SLC25A26: variants seen among roughly 807,000 people sequenced by gnomAD.
The protein encoded by SLC25A26 is mitochondrial S-adenosylmethionine carrier protein.
A neutral mutation model predicts 37.8 loss-of-function variants in SLC25A26; 36 were observed. The ratio of observed to expected loss-of-function variants is 0.95; its 90% CI spans 0.73 to 1.26. The LOEUF (loss-of-function observed/expected upper bound fraction) is 1.26. Ranked by LOEUF, SLC25A26 falls within the 50% of genes most tolerant of loss-of-function variation. The probability of loss-of-function intolerance (pLI) is 0.00; values close to 1 mark genes in which losing one functional copy is unlikely to be tolerated. For synonymous variants in SLC25A26, 129 were observed against 122.5 expected, an observed-to-expected ratio of 1.05 and a Z score of -0.35; for missense variants, 390 against 331.1, an observed-to-expected ratio of 1.18 and a Z score of -1.38.
rs566875927 is a variant in SLC25A26 at position 66,298,771 on chromosome 3, A to C, written c.453+35392A>C. On this transcript the variant is annotated intron_variant, in intron 5 of 9. Coordinates refer to ENST00000354883, the MANE Select transcript of SLC25A26 (RefSeq NM_001379210.1). ...TTGTAATAAATGTCAGAGGAATAGC[A>C]AAATTGTACATGTCAAGAAAGCATT... Among the ~76,000 whole-genome samples, 27 of 152,338 alleles carry C rather than the reference A, an allele frequency of 1.8e-4. 2 individuals are homozygous for C. In the South Asian group the frequency reaches 5.6e-3, roughly 32 times the overall value.
chr3:66,340,151 T>C (rs1259733154), intron 5 of SLC25A26, among the ~76,000 whole-genome samples: 2 of 152,102 alleles, frequency 1.3e-5, no homozygotes, highest in Admixed American at 6.5e-5. Context: ...TTTTCGAAGA[T>C]TGTTTAACCA....
In SLC25A26 at chr3:66,299,587, T is replaced by C. The variant is rs562651913; in HGVS notation, c.453+36208T>C. 9.8e-5 allele frequency among the ~76,000 whole-genome samples: 15 copies of C among 152,320 alleles called. No homozygotes were observed. In the South Asian group the frequency reaches 1.0e-3, roughly 11 times the overall value. Reference sequence around the variant, plus strand: ...CACTAACACAGTTCCGTAGTCCATATTTATTATTGCTTCTTTCACTTTTCT... The same window carrying C: ...CACTAACACAGTTCCGTAGTCCATACTTATTATTGCTTCTTTCACTTTTCT... On this transcript the variant is annotated intron_variant, in intron 5 of 9. Transcript: ENST00000354883.
intron 3 of SLC25A26, among the ~76,000 whole-genome samples, chr3:66,258,867 A>G (rs972223385): frequency 6.9e-6 from 1 of 145,042 alleles, no homozygotes; most frequent in Non-Finnish European, 1.5e-5. Flanking sequence ...TTTAATTATT[A>G]ACAGGATATT....
At chr3:66,246,836 C>T (rs1033578516) in intron 3 of SLC25A26, among the ~76,000 whole-genome samples, 2 of 152,116 alleles carry the variant, frequency 1.3e-5, no homozygotes, top group African/African-American at 2.4e-5. Flanking sequence ...GTGTGCGCCA[C>T]CAGGCCTGGC....
At chr3:66,247,716 C>G (rs972503689) in intron 3 of SLC25A26, among the ~76,000 whole-genome samples, 8 of 152,204 alleles carry the variant, frequency 5.3e-5, no homozygotes, top group Admixed American at 4.6e-4. Context: ...CTCTAATAAT[C>G]TTTGATCTTA....
intron 6 of SLC25A26, among the ~76,000 whole-genome samples, chr3:66,350,375 C>T (rs2076421367): frequency 2.0e-5 from 3 of 152,192 alleles, no homozygotes; most frequent in African/African-American, 7.2e-5. Flanking sequence ...TCTCAAGTCT[C>T]AGATTAAAAT....
chr3:66,373,494 A>T (rs761475579), intron 9 of SLC25A26, among the ~76,000 whole-genome samples: 18 of 152,206 alleles, frequency 1.2e-4, no homozygotes, highest in Non-Finnish European at 1.5e-4. Context: ...GTAAGGTAGT[A>T]AAGGTGGGAG....
At chr3:66,264,390 C>A (rs1363477165) in intron 5 of SLC25A26, among the ~76,000 whole-genome samples, 1 of 152,052 alleles carries the variant, frequency 6.6e-6, no homozygotes, top group Non-Finnish European at 1.5e-5. Flanking sequence ...GGACCCCAAC[C>A]CCAGGGCCGT....
intron 1 of SLC25A26, among the ~76,000 whole-genome samples, chr3:66,142,349 C>T (rs917162474): frequency 6.6e-6 from 1 of 152,236 alleles, no homozygotes; most frequent in African/African-American, 2.4e-5. Context: ...GGACCCACTA[C>T]CCTAAAATAT....
At chr3:66,244,129 C>T (rs1486504542) in intron 3 of SLC25A26, among the ~76,000 whole-genome samples, 4 of 152,072 alleles carry the variant, frequency 2.6e-5, no homozygotes, top group Non-Finnish European at 2.9e-5. Flanking sequence ...CTCTATAATC[C>T]TTATCACTCA....
chr3:66,270,180 C>G (rs939684491), intron 5 of SLC25A26, among the ~76,000 whole-genome samples: 35 of 152,076 alleles, frequency 2.3e-4, no homozygotes, highest in African/African-American at 7.2e-4. Context: ...ATATACTTTT[C>G]TAAGATTTCA....
In SLC25A26 at chr3:66,157,651, C is replaced by T. The variant is rs1330101778; in HGVS notation, c.-354+23667C>T. ...ATCAATAATGCCTTTTTCCAGGTGA[C>T]TCTGAGCCCTATCTCTTGTACATAG... On this transcript the variant is annotated intron_variant, in intron 1 of 10. Transcript: ENST00000676754. Among the ~76,000 whole-genome samples the T allele has an allele frequency of 6.6e-5, 10 of 152,184 alleles. No homozygotes were observed. In the East Asian group the frequency reaches 1.2e-3, roughly 18 times the overall value.
At chr3:66,278,871 C>T (rs1253989677) in intron 5 of SLC25A26, among the ~76,000 whole-genome samples, 1 of 152,056 alleles carries the variant, frequency 6.6e-6, no homozygotes, top group African/African-American at 2.4e-5. Context: ...CTGTCTTTTA[C>T]CCTCAGTCAC....
chr3:66,282,903 T>G (rs1053816783), intron 5 of SLC25A26, among the ~76,000 whole-genome samples: 8 of 152,202 alleles, frequency 5.3e-5, no homozygotes, highest in African/African-American at 1.9e-4. Context: ...TCACTATAGT[T>G]TTTTCTGTTT....
intron 1 of SLC25A26, among the ~76,000 whole-genome samples, chr3:66,224,818 A>G (rs2071664782): frequency 2.0e-5 from 3 of 152,228 alleles, no homozygotes. Context: ...TATTGGGTAA[A>G]TACACCCATT....
chr3:66,350,060 T>A (rs2076414605), intron 6 of SLC25A26, among the ~76,000 whole-genome samples: 1 of 152,202 alleles, frequency 6.6e-6, no homozygotes, highest in Non-Finnish European at 1.5e-5. Context: ...ACTTTTTTAT[T>A]TTTGTGTTTA....
intron 1 of SLC25A26, among the ~76,000 whole-genome samples, chr3:66,223,812 A>G (rs1406853250): frequency 1.3e-5 from 2 of 152,218 alleles, no homozygotes; most frequent in Non-Finnish European, 2.9e-5. Flanking sequence ...CATTTGGAGC[A>G]CAGAGTGGGG....
intron 5 of SLC25A26, among the ~76,000 whole-genome samples, chr3:66,322,709 C>G (rs1295780665): frequency 3.3e-5 from 5 of 152,170 alleles, no homozygotes; most frequent in Non-Finnish European, 7.3e-5. Flanking sequence ...TGTACATATG[C>G]CATGGCTTCA....
At chr3:66,233,054 CTCT>C (rs976489491) in intron 1 of SLC25A26, among the ~76,000 whole-genome samples, 2 of 152,216 alleles carry the variant, frequency 1.3e-5, no homozygotes, top group African/African-American at 4.8e-5. Flanking sequence ...TTATGGCTGG[CTCT>C]TCTTAGCTGT....
Sources: gnomAD v4.1 joint callset for allele counts (sites outside exome capture counted in the v4.1 genomes callset) on GRCh38, gnomAD v4.1.1 for gene constraint, MANE v1.5 for transcripts, NCBI Gene and HGNC (gene_info 2026-07-23, HGNC 2026-07-21) for gene names.